TSGA10: variants seen among roughly 807,000 people sequenced by gnomAD.
TSGA10 encodes testis-specific gene 10 protein.
In TSGA10, 43 loss-of-function variants were observed where a neutral mutation model predicts 96.6. That is an observed-to-expected ratio of 0.44 (90% CI 0.35 to 0.57). TSGA10 has a LOEUF of 0.57. Among genes scored for constraint, TSGA10 ranks in the 20% least tolerant of loss-of-function variants. TSGA10 has a pLI of 0.01. For synonymous variants in TSGA10, 229 were observed against 269.9 expected (o/e 0.85, Z 1.48); for missense variants, 703 against 834.4 (o/e 0.84, Z 1.94).
At chr2:99,101,776 G>C (rs574023345) in intron 10 of TSGA10, among the ~76,000 whole-genome samples, 7 of 152,296 alleles carry the variant, frequency 4.6e-5, no homozygotes, top group African/African-American at 1.7e-4. Context: ...ATTATGCTAA[G>C]TGAAATAAGA....
intron 10 of TSGA10, among the ~76,000 whole-genome samples, chr2:99,087,076 C>T (rs1310761920): frequency 1.2e-4 from 18 of 152,108 alleles, no homozygotes; most frequent in Admixed American, 1.1e-3. Flanking sequence ...TGGTGGTGGG[C>T]ACCTGTAGTC....
intron 1 of TSGA10, among the ~76,000 whole-genome samples, chr2:99,138,804 A>G (rs1329924699): frequency 1.3e-5 from 2 of 152,200 alleles, no homozygotes; most frequent in Non-Finnish European, 1.5e-5. Context: ...GGGATTTAAG[A>G]CTCTATAAGG....
intron 15 of TSGA10, among the ~76,000 whole-genome samples, chr2:99,067,292 C>T (rs1232720776): frequency 2.6e-5 from 4 of 152,154 alleles, no homozygotes; most frequent in Non-Finnish European, 5.9e-5. Context: ...AAAATGGATC[C>T]GTGGTTCATT....
intron 1 of TSGA10, among the ~76,000 whole-genome samples, chr2:99,149,706 T>A (rs2093670712): frequency 6.6e-6 from 1 of 151,130 alleles, no homozygotes; most frequent in Non-Finnish European, 1.5e-5. Flanking sequence ...CCTCCCAAAG[T>A]GCTGGGATTA....
chr2:99,024,729 C>A (rs577349551), intron 17 of TSGA10, among the ~76,000 whole-genome samples: 2 of 152,278 alleles, frequency 1.3e-5, no homozygotes, highest in African/African-American at 4.8e-5. Context: ...TGATACTGAT[C>A]TTAGGGCAAA....
At chr2:99,136,486 C>T (rs1014476821) in intron 1 of TSGA10, among the ~76,000 whole-genome samples, 2 of 152,080 alleles carry the variant, frequency 1.3e-5, no homozygotes, top group African/African-American at 4.8e-5. Context: ...TAAGGTAACA[C>T]TGAGAAAGAA....
intron 12 of TSGA10, among the ~76,000 whole-genome samples, chr2:99,073,657 C>T (rs1246933418): frequency 3.9e-5 from 6 of 152,098 alleles, no homozygotes; most frequent in Admixed American, 6.5e-5. Context: ...CATTAGGCCT[C>T]GAGCAAAGGT....
intron 20 of TSGA10, among the ~76,000 whole-genome samples, chr2:98,999,062 A>C (rs1485107317): frequency 6.6e-6 from 1 of 151,970 alleles, no homozygotes; most frequent in Non-Finnish European, 1.5e-5. Flanking sequence ...CGCCCAGCTA[A>C]TGTTTGTATT....
At chr2:99,029,165 T>A (rs1328226732) in intron 17 of TSGA10, among the ~76,000 whole-genome samples, 1 of 152,164 alleles carries the variant, frequency 6.6e-6, no homozygotes, top group East Asian at 1.9e-4. Flanking sequence ...ACTACATTTT[T>A]AAAAATCCTT....
At chr2:99,102,221 T>C (rs2090850145) in intron 10 of TSGA10, 4 of 1,609,698 alleles carry the variant, frequency 2.5e-6, no homozygotes, top group Middle Eastern at 3.3e-4. Context: ...AGAACTTCAG[T>C]GAAGTATTCC....
At chr2:99,124,330 G>T (rs796862887) in intron 2 of TSGA10, among the ~76,000 whole-genome samples, 15 of 152,218 alleles carry the variant, frequency 9.9e-5, no homozygotes, top group African/African-American at 3.4e-4. Flanking sequence ...GGGGGGAAAG[G>T]GGCTAATTGT....
At chr2:99,107,340 G>A (rs2091441589) in intron 7 of TSGA10, among the ~76,000 whole-genome samples, 3 of 152,010 alleles carry the variant, frequency 2.0e-5, no homozygotes, top group Admixed American at 1.3e-4. Flanking sequence ...TCTCTCAAAG[G>A]AGAAATTGTT....
At chr2:99,101,969 A>T in intron 10 of TSGA10, 1 of 866,066 alleles carries the variant, frequency 1.2e-6, no homozygotes, top group African/African-American at 1.7e-5. Context: ...GCTTTACCAC[A>T]CTGTTCTTAC....
intron 1 of TSGA10, chr2:99,151,066 T>A (rs190897202): frequency 0.012 from 4,635 of 388,966 alleles, 44 homozygotes; most frequent in Middle Eastern, 0.018. Flanking sequence ...TCTCTGGTAT[T>A]ATATTATATC....
intron 16 of TSGA10, among the ~76,000 whole-genome samples, chr2:99,059,054 A>ATATATATATATATATATTTATATATTTT (rs2084339234): frequency 8.9e-6 from 1 of 112,690 alleles, no homozygotes; most frequent in South Asian, 2.5e-4. Flanking sequence ...AAAATAATAT[A>ATATATATATATATATATTTATATATTTT]TATATATATA....
intron 20 of TSGA10, among the ~76,000 whole-genome samples, chr2:99,002,717 C>T (rs944908200): frequency 2.0e-5 from 3 of 152,270 alleles, no homozygotes; most frequent in Admixed American, 2.0e-4. Context: ...CAAGACCCAT[C>T]AGTGTGCTGT....
At chr2:99,021,174 T>C (rs941385146) in intron 17 of TSGA10, among the ~76,000 whole-genome samples, 5 of 151,898 alleles carry the variant, frequency 3.3e-5, no homozygotes, top group Non-Finnish European at 5.9e-5. Context: ...ATTTAAAAGT[T>C]AAATTTGAAA....
intron 16 of TSGA10, among the ~76,000 whole-genome samples, chr2:99,045,031 G>C (rs995603122): frequency 3.9e-5 from 6 of 152,170 alleles, no homozygotes; most frequent in Non-Finnish European, 7.3e-5. Context: ...ATTTAAAGCA[G>C]TGGGTAGAGA....
At chr2:99,131,009 C>T (rs2093053971) in intron 1 of TSGA10, among the ~76,000 whole-genome samples, 1 of 152,042 alleles carries the variant, frequency 6.6e-6, no homozygotes, top group Non-Finnish European at 1.5e-5. Flanking sequence ...TGTTTTGGTA[C>T]CAGTACCATG....
Sources: gnomAD v4.1 joint callset for allele counts (sites outside exome capture counted in the v4.1 genomes callset) on GRCh38, gnomAD v4.1.1 for gene constraint, MANE v1.5 for transcripts, NCBI Gene and HGNC (gene_info 2026-07-23, HGNC 2026-07-21) for gene names.